GFM1: variants seen among roughly 807,000 people sequenced by gnomAD.
The protein encoded by GFM1 is elongation factor G, mitochondrial.
GFM1 carries 62 observed loss-of-function variants against 96.2 expected under a neutral mutation model. That is an observed-to-expected ratio of 0.64 (90% CI 0.53 to 0.80). GFM1 has a LOEUF of 0.80. Among genes scored for constraint, GFM1 ranks in the 30% least tolerant of loss-of-function variants. GFM1 has a pLI of 0.00. For synonymous variants in GFM1, 282 were observed against 312.9 expected (o/e 0.90, Z 1.04); for missense variants, 852 against 916.6 (o/e 0.93, Z 0.91).
intron 15 of GFM1, among the ~76,000 whole-genome samples, chr3:158,689,722 C>T (rs891278960): frequency 2.0e-5 from 3 of 150,416 alleles, no homozygotes; most frequent in African/African-American, 7.4e-5. Context: ...GCCGAGATTG[C>T]CCCATTGTAA....
chr3:158,688,637 T>C (rs1726062252), intron 15 of GFM1, among the ~76,000 whole-genome samples: 1 of 152,190 alleles, frequency 6.6e-6, no homozygotes, highest in South Asian at 2.1e-4. Flanking sequence ...AAGGAAGCTC[T>C]CCTGTTGTAA....
chr3:158,691,885 TC>T lies in GFM1; in HGVS notation c.*420del. On this transcript the variant is annotated 3_prime_UTR_variant, in exon 18 of 18. Coordinates refer to ENST00000486715, the MANE Select transcript of GFM1 (RefSeq NM_024996.7). ...ATAACCACATACTTTCCATCTACCT[TC>T]CTTTGTTAACGGGTTGTTTATCATA... The T allele has an allele frequency of 5.5e-6, 1 of 182,496 alleles. No individual in the cohort carries two copies. Among genetic ancestry groups the T allele is most frequent in the Middle Eastern group, 2.7e-3 (1 of 372 alleles). 11.3% of individuals were successfully genotyped at this position (182,496 alleles called of 1,614,324 possible).
chr3:158,665,006 C>T (rs1723522133), intron 11 of GFM1, among the ~76,000 whole-genome samples: 1 of 152,106 alleles, frequency 6.6e-6, no homozygotes, highest in Admixed American at 6.5e-5. Flanking sequence ...TAAAATGTAA[C>T]ACAGATTCCA....
chr3:158,674,978 A>C (rs187154709), intron 13 of GFM1, among the ~76,000 whole-genome samples: 11 of 152,328 alleles, frequency 7.2e-5, no homozygotes. Flanking sequence ...AATAGCCTTT[A>C]TTATTATGTT....
chr3:158,644,832 G>A (rs560069814), intron 1 of GFM1, 117 bp downstream of exon 1: 1 of 844,994 alleles, frequency 1.2e-6, no homozygotes, highest in South Asian at 1.4e-5. Context: ...CCGAATACTG[G>A]CAGTCGCTCG....
intron 2 of GFM1, 109 bp downstream of exon 2, chr3:158,645,890 C>A: frequency 9.2e-7 from 1 of 1,084,196 alleles, no homozygotes; most frequent in Non-Finnish European, 1.4e-6. Flanking sequence ...ATGGTAACAG[C>A]GGACTTTTGA....
At chr3:158,677,988 CA>C (rs1247011537) in intron 13 of GFM1, among the ~76,000 whole-genome samples, 1 of 152,160 alleles carries the variant, frequency 6.6e-6, no homozygotes, top group Non-Finnish European at 1.5e-5. Flanking sequence ...TTCTCATTGT[CA>C]AAATCCTAGG....
chr3:158,652,272 T>C (rs369346675), intron 6 of GFM1, 26 bp downstream of exon 6: 83 of 1,609,278 alleles, frequency 5.2e-5, no homozygotes, highest in Non-Finnish European at 6.5e-5. Flanking sequence ...ATAAGTCTTA[T>C]GTTAACAACA....
At chr3:158,656,799 G>A (rs772879349) in intron 8 of GFM1, 19 of 152,192 alleles carry the variant, frequency 1.2e-4, no homozygotes, top group Admixed American at 7.9e-4. Context: ...TATGTCATTT[G>A]TTGTTCAGAT....
At chr3:158,668,812 T>C (rs1187801668) in intron 13 of GFM1, among the ~76,000 whole-genome samples, 1 of 152,182 alleles carries the variant, frequency 6.6e-6, no homozygotes, top group African/African-American at 2.4e-5. Flanking sequence ...TTACTGTTGC[T>C]TTGGACTCTT....
Position 158,666,342 on chromosome 3 carries a change from A to G in GFM1, c.1557A>G (p.Gly519=). 1 of 1,613,908 alleles carries G rather than the reference A, an allele frequency of 6.2e-7. No individual in the cohort carries two copies. Among genetic ancestry groups the G allele is most frequent in the Middle Eastern group, 1.7e-4 (1 of 6,058 alleles). The change falls in exon 13 of 18, where the codon GGA becomes GGG. Residue 519 remains glycine (G), a synonymous_variant. Coordinates refer to ENST00000486715, the MANE Select transcript of GFM1 (RefSeq NM_024996.7). Reference sequence around the variant, plus strand: ...AGTATGGCTGTCCTTGTATCACAGGAAAGCCAAAAGTTGCCTTTCGAGAGA... The same window carrying G: ...AGTATGGCTGTCCTTGTATCACAGGGAAGCCAAAAGTTGCCTTTCGAGAGA... ...EREYGCPCIT[G]KPKVAFRETI...
Position 158,665,374 on chromosome 3 carries a change from T to G in GFM1, c.1418T>G (p.Phe473Cys). The G allele has an allele frequency of 1.2e-6, 2 of 1,611,070 alleles. No individual in the cohort carries two copies. The highest frequency in any genetic ancestry group is 1.7e-6 in the Non-Finnish European group (2 of 1,177,630). The stretch of plus-strand genomic sequence containing the variant: ...AAATTTTCAAAAGGTATTGGCAGGT[T>G]TACAAGAGAAGATCCCACATTTAAA... ...LEKFSKGIGRFTREDPTFKVY... is the reference protein window; with the variant it reads ...LEKFSKGIGRCTREDPTFKVY... Residue 473 changes from phenylalanine (F) to cysteine (C), a missense_variant, in exon 12 of 18, where the codon TTT becomes TGT. Physicochemically the swap from Phe to Cys is radical, Grantham distance 205 (BLOSUM62 -2). Coordinates refer to ENST00000486715, the MANE Select transcript of GFM1 (RefSeq NM_024996.7).
intron 14 of GFM1, 146 bp from the exon 15 acceptor site, chr3:158,684,378 A>C: frequency 1.3e-6 from 1 of 766,980 alleles, no homozygotes; most frequent in South Asian, 1.7e-5. Flanking sequence ...TAAAGTTGTT[A>C]AACATTTTTA....
At chr3:158,681,472 G>A (rs531796767) in intron 13 of GFM1, among the ~76,000 whole-genome samples, 5 of 152,194 alleles carry the variant, frequency 3.3e-5, no homozygotes, top group East Asian at 3.9e-4. Context: ...AGTCTCTATC[G>A]TTTTGCCACC....
At position 158,662,673 on chromosome 3, in the gene GFM1, C is replaced by A. The variant is rs369399450; in HGVS notation, c.1369C>A (p.Pro457Thr). ...PDPVISIAMK[P>T]SNKNDLEKFS... The stretch of plus-strand genomic sequence containing the variant: ...TCCTGTCATTTCAATAGCAATGAAG[C>A]CTTCTAACAAGGTAGGAGTTTGATT... Residue 457 changes from proline to threonine, a missense_variant, in exon 11 of 18, where the codon CCT (proline) becomes ACT (threonine). Pro to Thr is a conservative substitution (Grantham distance 38). Coordinates refer to ENST00000486715, the MANE Select transcript of GFM1 (RefSeq NM_024996.7). The A allele has an allele frequency of 2.5e-6, 4 of 1,591,040 alleles. No homozygotes were observed. Among genetic ancestry groups the A allele is most frequent in the Non-Finnish European group, 2.6e-6 (3 of 1,159,580 alleles).
chr3:158,670,434 A>G (rs1724166954), intron 13 of GFM1, among the ~76,000 whole-genome samples: 1 of 151,340 alleles, frequency 6.6e-6, no homozygotes. Flanking sequence ...GCATAAGTTC[A>G]GACTGCCCTA....
At chr3:158,666,941 A>G (rs1723751462) in intron 13 of GFM1, 1 of 1,542,132 alleles carries the variant, frequency 6.5e-7, no homozygotes, top group Non-Finnish European at 8.7e-7. Context: ...AAAATTAATA[A>G]AGCATACTGT....
chr3:158,645,556 C>T (rs914021619), intron 1 of GFM1, 73 bp from the exon 2 acceptor site: 2 of 1,243,748 alleles, frequency 1.6e-6, no homozygotes, highest in Non-Finnish European at 2.4e-6. Flanking sequence ...TAATGTCCAC[C>T]ATACTCCTTT....
chr3:158,690,404 G>T, intron 16 of GFM1, 81 bp downstream of exon 16: 2 of 1,338,660 alleles, frequency 1.5e-6, no homozygotes, highest in African/African-American at 1.4e-5. Context: ...TTTGCAAATG[G>T]ACACATTTCC....
Sources: allele counts gnomAD v4.1 joint callset (sites outside exome capture counted in the v4.1 genomes callset), GRCh38; gene constraint gnomAD v4.1.1; transcripts MANE v1.5; gene names NCBI Gene and HGNC (gene_info 2026-07-23, HGNC 2026-07-21).